Variants in PGR observed in about 807,000 individuals in gnomAD.
The protein encoded by PGR is progesterone receptor, also known as nuclear receptor subfamily 3 group C member 3.
A neutral mutation model predicts 76.1 loss-of-function variants in PGR; 25 were observed. The observed-to-expected ratio is 0.33, with a 90% confidence interval of 0.24 to 0.46. The LOEUF (loss-of-function observed/expected upper bound fraction) is 0.46, where lower values mean the gene tolerates loss of function less well. Ranked by LOEUF, PGR falls within the 20% of genes least tolerant of loss-of-function variation. The pLI is 1.00. For missense variants in PGR, 1,172 were observed against 1,225.3 expected (o/e 0.96, Z 0.65); for synonymous variants, 579 against 535.0 (o/e 1.08, Z -1.14).
rs141400417 is a variant in PGR, at chr11:101,057,024, A to G, written c.2212+5423T>C. ...TTTAACCATCTATTTGGGAGGAAGC[A>G]TTATACTTGCAATTAGGATCAAGGT... On this transcript the variant is annotated intron_variant, in intron 4 of 7. Coordinates refer to ENST00000325455, the MANE Select transcript of PGR (RefSeq NM_000926.4). Among the ~76,000 whole-genome samples, 11 of 152,330 alleles carry G rather than the reference A, an allele frequency of 7.2e-5. No individual in the cohort carries two copies. The East Asian group carries it at 1.4e-3, about 19-fold the overall frequency.
chr11:101,128,507 GC>G lies in PGR; in HGVS notation c.563del (p.Gly188AlafsTer23). Reference sequence around the variant, plus strand: ...GCAGCAGCTGCCGGGCTGGTGACAGGCCCCGGGGCAGCACTTTATGGGCAGC... The same window carrying G: ...GCAGCAGCTGCCGGGCTGGTGACAGGCCCGGGGCAGCACTTTATGGGCAGC... ...TAAAHKVLPR[G>X]LSPARQLLLP... On this transcript the variant is annotated frameshift_variant, in exon 1 of 8. Transcript: ENST00000325455. LOFTEE classifies it high-confidence loss of function. The G allele has an allele frequency of 1.2e-6, 2 of 1,603,972 alleles. No individual in the cohort carries two copies.
intron 2 of PGR, among the ~76,000 whole-genome samples, chr11:101,119,835 T>G (rs188579966): frequency 1.6e-3 from 238 of 152,222 alleles, no homozygotes; most frequent in Non-Finnish European, 2.8e-3. Context: ...TACAAAACAG[T>G]CTAGGAAAAC....
chr11:101,034,039 T>C lies in PGR; in HGVS notation c.*5077A>G, dbSNP rs1859432789. 1 of 231,066 alleles carries C rather than the reference T, an allele frequency of 4.3e-6. No homozygotes were observed. Among genetic ancestry groups the C allele is most frequent in the South Asian group, 1.8e-4 (1 of 5,526 alleles). 14.3% of individuals were successfully genotyped at this position (231,066 alleles called of 1,614,324 possible). On this transcript the variant is annotated 3_prime_UTR_variant, in exon 8 of 8. Transcript: ENST00000325455. Reference sequence around the variant, plus strand: ...CACTAATGCCACACTGCAGAGTTAATAATCTGTGCATTTTCTTTACCGTAA... The same window carrying C: ...CACTAATGCCACACTGCAGAGTTAACAATCTGTGCATTTTCTTTACCGTAA...
chr11:101,105,269 C>T (rs1862114824), intron 2 of PGR, among the ~76,000 whole-genome samples: 1 of 152,150 alleles, frequency 6.6e-6, no homozygotes, highest in South Asian at 2.1e-4. Context: ...TATATTTTAA[C>T]AGTATCACAA....
chr11:101,100,920 C>T (rs968518245), intron 2 of PGR, among the ~76,000 whole-genome samples: 21 of 152,106 alleles, frequency 1.4e-4, no homozygotes, highest in African/African-American at 5.1e-4. Context: ...AACTCATGAT[C>T]CCCTTACTTT....
chr11:101,127,262 GGAA>G (rs1165132506), intron 1 of PGR, among the ~76,000 whole-genome samples, 169 bp downstream of exon 1: 1 of 152,182 alleles, frequency 6.6e-6, no homozygotes, highest in Non-Finnish European at 1.5e-5. Flanking sequence ...AGGAGAGGAG[GGAA>G]GAAGAAGGGA....
At chr11:101,104,764 C>G (rs1315153707) in intron 2 of PGR, among the ~76,000 whole-genome samples, 1 of 152,124 alleles carries the variant, frequency 6.6e-6, no homozygotes, top group Non-Finnish European at 1.5e-5. Context: ...TAACTCAAAG[C>G]AGATTATTAT....
chr11:101,038,046 A>C lies in PGR; in HGVS notation c.*1070T>G, dbSNP rs746129972. On this transcript the variant is annotated 3_prime_UTR_variant, in exon 8 of 8. Coordinates refer to ENST00000325455, the MANE Select transcript of PGR (RefSeq NM_000926.4). ...GTCTCGAAGGTTGAAACATGCATGG[A>C]ATTTGTGTCAAAGGGGGAAAATTCT... The C allele has an allele frequency of 2.3e-4, 48 of 205,320 alleles. No individual in the cohort carries two copies. The highest frequency in any genetic ancestry group is 3.0e-4 in the Admixed American group (5 of 16,766). The allele number at this position is 205,320 out of a possible 1,614,324, so 12.7% of individuals were successfully genotyped here.
In PGR at chr11:101,032,557, TG is replaced by T; in HGVS notation, c.*6558del. 4.3e-6 allele frequency: 1 copy of T among 231,730 alleles called. No homozygotes were observed. The highest frequency in any genetic ancestry group is 8.5e-6 in the Non-Finnish European group (1 of 117,122). The allele number at this position is 231,730 out of a possible 1,614,324, so 14.4% of individuals were successfully genotyped here. On this transcript the variant is annotated 3_prime_UTR_variant, in exon 8 of 8. Transcript: ENST00000325455. ...GTTGTTTGGGATACTCTTCTCTCTT[TG>T]GAATCCCTCCTGTTTGGAATACTCT...
intron 2 of PGR, among the ~76,000 whole-genome samples, chr11:101,115,350 C>A (rs191311451): frequency 6.6e-6 from 1 of 152,070 alleles, no homozygotes; most frequent in East Asian, 1.9e-4. Context: ...TATATATTAC[C>A]TATATTATAC....
At chr11:101,072,426 G>T (rs1482174881) in intron 3 of PGR, among the ~76,000 whole-genome samples, 5 of 152,100 alleles carry the variant, frequency 3.3e-5, no homozygotes, top group African/African-American at 1.2e-4. Flanking sequence ...CAACTAATGG[G>T]CAAAATAACC....
chr11:101,083,455 T>C (rs1353633716), intron 3 of PGR, among the ~76,000 whole-genome samples: 1 of 152,158 alleles, frequency 6.6e-6, no homozygotes, highest in Non-Finnish European at 1.5e-5. Context: ...GACCTCAGAA[T>C]CGTAGATCCA....
At chr11:101,095,602 A>G (rs1176167659) in intron 2 of PGR, among the ~76,000 whole-genome samples, 4 of 152,212 alleles carry the variant, frequency 2.6e-5, no homozygotes, top group African/African-American at 9.6e-5. Flanking sequence ...TTATCTTGAG[A>G]GGTAGTATAG....
intron 3 of PGR, among the ~76,000 whole-genome samples, chr11:101,083,759 T>C (rs1247917560): frequency 6.6e-6 from 1 of 152,210 alleles, no homozygotes; most frequent in African/African-American, 2.4e-5. Flanking sequence ...CCAATGCCCA[T>C]ACCCCTATTG....
chr11:101,080,724 A>T (rs1037698054), intron 3 of PGR, among the ~76,000 whole-genome samples: 4 of 152,140 alleles, frequency 2.6e-5, no homozygotes, highest in African/African-American at 7.2e-5. Context: ...GTTGAAAACC[A>T]ACATAAACTT....
At position 101,128,515 on chromosome 11, in the gene PGR, G is replaced by A. The variant is rs1425099640; in HGVS notation, c.556C>T (p.Pro186Ser). 2.5e-6 allele frequency: 4 copies of A among 1,602,854 alleles called. No individual in the cohort carries two copies. The highest frequency in any genetic ancestry group is 1.7e-5 in the Admixed American group (1 of 59,568). The change falls in exon 1 of 8, where the codon CCC becomes TCC. Residue 186 changes from proline to serine, a missense_variant. Physicochemically the swap from Pro to Ser is moderately conservative, Grantham distance 74. Around this residue, in one of 4 missense-constraint regions of PGR, gnomAD observed 893 missense variants for 785.9 expected, o/e 1.14. Transcript: ENST00000325455. ...TGCCGGGCTGGTGACAGGCCCCGGG[G>A]CAGCACTTTATGGGCAGCTGCCGTC... ...SGTAAAHKVL[P>S]RGLSPARQLL...
chr11:101,114,502 T>C (rs1409922028), intron 2 of PGR, among the ~76,000 whole-genome samples: 1 of 152,220 alleles, frequency 6.6e-6, no homozygotes, highest in African/African-American at 2.4e-5. Context: ...GAAATTAAAC[T>C]ACTTCTCAGA....
intron 2 of PGR, among the ~76,000 whole-genome samples, chr11:101,095,082 A>AT (rs1308549521): frequency 6.6e-6 from 1 of 152,154 alleles, no homozygotes; most frequent in Non-Finnish European, 1.5e-5. Context: ...AGTCTAAGGT[A>AT]TTTTTTTATT....
chr11:101,088,595 G>T (rs892993251), intron 3 of PGR, among the ~76,000 whole-genome samples: 1 of 152,160 alleles, frequency 6.6e-6, no homozygotes, highest in African/African-American at 2.4e-5. Context: ...GCCTCCCAAA[G>T]TGCTGGGATT....
Sources: allele counts gnomAD v4.1 joint callset (sites outside exome capture counted in the v4.1 genomes callset), GRCh38; gene constraint gnomAD v4.1.1; regional missense constraint gnomAD v4.1.1; transcripts MANE v1.5; gene names NCBI Gene and HGNC (gene_info 2026-07-23, HGNC 2026-07-21).